CISD1: variants seen among roughly 807,000 people sequenced by gnomAD.
CISD1 encodes CDGSH iron sulfur domain 1.
CISD1 carries 8 observed loss-of-function variants against 12.0 expected under a neutral mutation model. The observed-to-expected ratio is 0.67, with a 90% CI of 0.39 to 1.20. The LOEUF (loss-of-function observed/expected upper bound fraction) is 1.20, where lower values mean the gene tolerates loss of function less well. Ranked by LOEUF, CISD1 falls within the 50% of genes most tolerant of loss-of-function variation. The probability of loss-of-function intolerance (pLI) is 0.01; values close to 1 mark genes in which losing one functional copy is unlikely to be tolerated. For synonymous variants in CISD1, 38 were observed against 42.2 expected (o/e 0.90, Z 0.39); for missense variants, 107 against 132.7 (o/e 0.81, Z 0.95).
intron 1 of CISD1, among the ~76,000 whole-genome samples, chr10:58,271,493 C>T (rs922948759): frequency 6.6e-6 from 1 of 151,852 alleles, no homozygotes; most frequent in Non-Finnish European, 1.5e-5. Flanking sequence ...GGGGATTTAA[C>T]TTTTAATGTT....
chr10:58,277,409 T>C (rs1426203945), intron 2 of CISD1, 87 bp downstream of exon 2: 1 of 916,900 alleles, frequency 1.1e-6, no homozygotes, highest in African/African-American at 1.7e-5. Flanking sequence ...CACCAGATAT[T>C]GTTATGATAT....
chr10:58,277,376 TA>T, intron 2 of CISD1, 54 bp downstream of exon 2: 1 of 1,217,742 alleles, frequency 8.2e-7, no homozygotes, highest in South Asian at 1.6e-5. Context: ...TATTTCTTTT[TA>T]AATTATTCTG....
At chr10:58,280,745 G>A (rs1839364888) in intron 2 of CISD1, among the ~76,000 whole-genome samples, 1 of 152,182 alleles carries the variant, frequency 6.6e-6, no homozygotes, top group Non-Finnish European at 1.5e-5. Flanking sequence ...GATGGAATGG[G>A]CCAGAGAGGT....
intron 1 of CISD1, among the ~76,000 whole-genome samples, chr10:58,270,594 C>T (rs1482874083): frequency 6.6e-6 from 1 of 152,116 alleles, no homozygotes; most frequent in Admixed American, 6.5e-5. Flanking sequence ...AATACGGGAT[C>T]ATTTTGTGTA....
intron 1 of CISD1, among the ~76,000 whole-genome samples, chr10:58,272,296 C>T (rs116396793): frequency 0.033 from 5,003 of 150,138 alleles, 140 homozygotes; most frequent in African/African-American, 0.076. Flanking sequence ...CCCCTGAAAT[C>T]ACTTTTTTTT....
intron 2 of CISD1, among the ~76,000 whole-genome samples, chr10:58,280,945 G>C (rs1389311531): frequency 6.6e-6 from 1 of 152,200 alleles, no homozygotes; most frequent in Admixed American, 6.5e-5. Context: ...GAGTTAAAGT[G>C]CAAATTAACT....
intron 1 of CISD1, among the ~76,000 whole-genome samples, chr10:58,276,640 A>AT (rs2132279468): frequency 6.6e-6 from 1 of 151,854 alleles, no homozygotes; most frequent in African/African-American, 2.4e-5. Flanking sequence ...GGTAAATTAA[A>AT]TAATTTAAAA....
At chr10:58,284,928 T>C (rs1839413064) in intron 2 of CISD1, among the ~76,000 whole-genome samples, 1 of 152,210 alleles carries the variant, frequency 6.6e-6, no homozygotes, top group Non-Finnish European at 1.5e-5. Context: ...GTCTTTACAA[T>C]GTAAACTTTT....
rs1437425758 is a variant in CISD1, at chr10:58,269,233, G to T, written c.-41G>T. ...TCGCCGGCCGCGCGAACCCGTTTGA[G>T]CTCGGTATCCTAGTGCACACGCCTT... is the stretch of plus-strand genomic sequence containing the variant. On this transcript the variant is annotated 5_prime_UTR_variant, in exon 1 of 3. Coordinates refer to ENST00000333926, the MANE Select transcript of CISD1 (RefSeq NM_018464.5). The T allele has an allele frequency of 6.2e-7, 1 of 1,603,068 alleles. No homozygotes were observed.
chr10:58,270,913 GAGTGC>G (rs141986522), intron 1 of CISD1, among the ~76,000 whole-genome samples: 1 of 151,842 alleles, frequency 6.6e-6, no homozygotes, highest in East Asian at 1.9e-4. Flanking sequence ...GCCCAAGCTG[GAGTGC>G]AGTGTTGTGA....
chr10:58,276,541 T>C (rs1420710385), intron 1 of CISD1, among the ~76,000 whole-genome samples: 1 of 151,862 alleles, frequency 6.6e-6, no homozygotes, highest in Non-Finnish European at 1.5e-5. Flanking sequence ...CCTTTGAAAA[T>C]TAACATTAAG....
rs1839444724 is a variant in CISD1 at position 58,287,781 on chromosome 10, A to C, written c.*131A>C. The C allele has an allele frequency of 2.1e-6, 1 of 465,698 alleles. No homozygotes were observed. The highest frequency in any genetic ancestry group is 3.8e-6 in the Non-Finnish European group (1 of 265,642). 28.8% of individuals were successfully genotyped at this position (465,698 alleles called of 1,614,324 possible). On this transcript the variant is annotated 3_prime_UTR_variant, in exon 3 of 3. Coordinates refer to ENST00000333926, the MANE Select transcript of CISD1 (RefSeq NM_018464.5). ...TGGTATATTGCAAACTGCAGCTTTC[A>C]CATTTATGGCATTTGTCTTGTTGAA...
chr10:58,289,353 CA>C lies in CISD1; in HGVS notation c.*1704del, dbSNP rs1250297760. On this transcript the variant is annotated 3_prime_UTR_variant, in exon 3 of 3. Transcript: ENST00000333926. The stretch of plus-strand genomic sequence containing the variant: ...TGTTAGTCATGCATTTTTGTAATGT[CA>C]GGGGGAACCTGGTACCAGTTCTCAA... 4 of 152,032 alleles carry C rather than the reference CA, an allele frequency of 2.6e-5. No individual in the cohort carries two copies. Among genetic ancestry groups the C allele is most frequent in the African/African-American group, 4.8e-5 (2 of 41,406 alleles). 9.4% of individuals were successfully genotyped at this position (152,032 alleles called of 1,614,324 possible). A position where few individuals can be genotyped will look rare whatever the true frequency, so the allele number is the denominator to read the frequency against.
chr10:58,281,959 C>CTTTTTTTTTTTT (rs200269339), intron 2 of CISD1, among the ~76,000 whole-genome samples: 1 of 143,728 alleles, frequency 7.0e-6, no homozygotes, highest in Non-Finnish European at 1.5e-5. Flanking sequence ...ATTGGCTTGG[C>CTTTTTTTTTTTT]TTTTTTTTTT....
chr10:58,283,925 A>G (rs1048839528), intron 2 of CISD1, among the ~76,000 whole-genome samples: 1 of 152,222 alleles, frequency 6.6e-6, no homozygotes, highest in African/African-American at 2.4e-5. Flanking sequence ...ATTAAGTATC[A>G]ATACTACACG....
In CISD1 at chr10:58,285,036, G is replaced by A. The variant is rs368893373; in HGVS notation, c.238-2525G>A. On this transcript the variant is annotated intron_variant, in intron 2 of 2. Coordinates refer to ENST00000333926, the MANE Select transcript of CISD1 (RefSeq NM_018464.5). The stretch of plus-strand genomic sequence containing the variant: ...GATACATTTTAGTTTAATTTTTATC[G>A]CCTCTTTCCTCATCCATGCCAAGAA... Among the ~76,000 whole-genome samples the A allele has an allele frequency of 4.6e-5, 7 of 151,822 alleles. No homozygotes were observed. In the South Asian group the frequency reaches 8.3e-4, roughly 18 times the overall value.
intron 1 of CISD1, chr10:58,273,595 A>T (rs1839273804): frequency 6.6e-6 from 1 of 152,220 alleles, no homozygotes; most frequent in South Asian, 2.1e-4. Flanking sequence ...GTTTGGGAAC[A>T]AGTCCACGTT....
intron 1 of CISD1, among the ~76,000 whole-genome samples, chr10:58,271,850 G>T (rs1839253590): frequency 6.6e-6 from 1 of 152,178 alleles, no homozygotes; most frequent in African/African-American, 2.4e-5. Flanking sequence ...TTAAGATCCT[G>T]ATCATTGAGA....
intron 2 of CISD1, among the ~76,000 whole-genome samples, chr10:58,277,561 G>C (rs1839329098): frequency 6.6e-6 from 1 of 151,452 alleles, no homozygotes; most frequent in African/African-American, 2.4e-5. Flanking sequence ...GGGATTACAG[G>C]TGTGAGCCAC....
Sources: allele counts gnomAD v4.1 joint callset (sites outside exome capture counted in the v4.1 genomes callset), GRCh38; gene constraint gnomAD v4.1.1; transcripts MANE v1.5; gene names NCBI Gene and HGNC (gene_info 2026-07-23, HGNC 2026-07-21).